The following SLCO3A1 variants were observed in gnomAD, a reference collection of about 807,000 sequenced individuals.
SLCO3A1 encodes the protein PGE1 transporter.
Under a neutral mutation model 63.1 loss-of-function variants are expected in SLCO3A1, and 27 were observed. That is an observed-to-expected ratio of 0.43 (90% confidence interval 0.32 to 0.59). The LOEUF is 0.59. SLCO3A1 is among the 20% of genes least tolerant of loss of function. SLCO3A1 has a pLI of 0.09. For synonymous variants in SLCO3A1, 473 were observed against 409.9 expected, an observed-to-expected ratio of 1.15 and a Z score of -1.86; for missense variants, 773 against 945.8, an observed-to-expected ratio of 0.82 and a Z score of 2.40.
chr15:91,995,210 G>C (rs1050146768), intron 2 of SLCO3A1, among the ~76,000 whole-genome samples: 1 of 152,182 alleles, frequency 6.6e-6, no homozygotes, highest in South Asian at 2.1e-4. Context: ...ATTTACGGGA[G>C]AGCAGCATAA....
chr15:92,154,513 G>C (rs1238703005), intron 9 of SLCO3A1, among the ~76,000 whole-genome samples: 3 of 152,180 alleles, frequency 2.0e-5, no homozygotes, highest in Admixed American at 6.5e-5. Flanking sequence ...TGCCATACTG[G>C]ACAATGAGGG....
chr15:91,965,675 G>C (rs929144721), intron 2 of SLCO3A1, among the ~76,000 whole-genome samples: 1 of 152,014 alleles, frequency 6.6e-6, no homozygotes, highest in Non-Finnish European at 1.5e-5. Context: ...CAAGTCCAAA[G>C]GAATCTTTTG....
At chr15:92,007,760 G>A (rs1206689895) in intron 2 of SLCO3A1, among the ~76,000 whole-genome samples, 1 of 152,130 alleles carries the variant, frequency 6.6e-6, no homozygotes, top group African/African-American at 2.4e-5. Context: ...GGGGCATCAT[G>A]CATTAAATTA....
chr15:92,006,248 G>A (rs1695052485), intron 2 of SLCO3A1, among the ~76,000 whole-genome samples: 3 of 152,146 alleles, frequency 2.0e-5, no homozygotes, highest in Admixed American at 2.0e-4. Context: ...AAAGAGCAGG[G>A]CCTGTTCGCC....
Position 91,917,759 on chromosome 15 carries a change from A to G in SLCO3A1, c.646+1301A>G, listed in dbSNP as rs114153621. On this transcript the variant is annotated intron_variant, in intron 2 of 9. Coordinates refer to ENST00000318445, the MANE Select transcript of SLCO3A1 (RefSeq NM_013272.4). ...AAACTAAGGTAATCATTTTTCTTTC[A>G]TTGCCTTAAGTCTTGAGTGAAAGCC... 3.7e-3 allele frequency among the ~76,000 whole-genome samples: 562 copies of G among 152,236 alleles called. 4 individuals carry two copies. The highest frequency in any genetic ancestry group is 0.012 in the African/African-American group (483 of 41,546).
intron 2 of SLCO3A1, among the ~76,000 whole-genome samples, chr15:92,093,655 GC>G (rs1218124964): frequency 6.6e-6 from 1 of 152,148 alleles, no homozygotes; most frequent in African/African-American, 2.4e-5. Flanking sequence ...AGTCAGCGAG[GC>G]TAGGATTTTT....
At chr15:92,114,577 TCA>T (rs1026024407) in intron 4 of SLCO3A1, among the ~76,000 whole-genome samples, 12 of 152,296 alleles carry the variant, frequency 7.9e-5, no homozygotes, top group African/African-American at 2.9e-4. Flanking sequence ...CACCTTGGAT[TCA>T]CACCCATGCT....
At chr15:92,072,735 C>T (rs533348747) in intron 2 of SLCO3A1, among the ~76,000 whole-genome samples, 4 of 152,252 alleles carry the variant, frequency 2.6e-5, no homozygotes, top group African/African-American at 9.6e-5. Flanking sequence ...TGTGGCTTTA[C>T]TGGCATCCTC....
At chr15:92,045,937 C>T (rs913003037) in intron 2 of SLCO3A1, among the ~76,000 whole-genome samples, 6 of 152,104 alleles carry the variant, frequency 3.9e-5, no homozygotes, top group African/African-American at 9.7e-5. Flanking sequence ...ATCGCTCTGT[C>T]CTCTCGTGAT....
chr15:91,995,889 G>C (rs1017343699), intron 2 of SLCO3A1, among the ~76,000 whole-genome samples: 1 of 152,096 alleles, frequency 6.6e-6, no homozygotes, highest in African/African-American at 2.4e-5. Flanking sequence ...TCCTTATTCT[G>C]ATAAAGAATG....
In SLCO3A1 at chr15:91,969,716, C is replaced by G. The variant is rs182651420; in HGVS notation, c.646+53258C>G. 1.9e-4 allele frequency among the ~76,000 whole-genome samples: 29 copies of G among 152,354 alleles called. No homozygotes were observed. In the East Asian group the frequency reaches 5.4e-3, roughly 28 times the overall value. ...TAGAATTCCTTTTCTGGTAGAAGTG[C>G]TCCCTTGTTGGGCCTGGCATCTTAT... is the stretch of plus-strand genomic sequence containing the variant. On this transcript the variant is annotated intron_variant, in intron 2 of 9. Transcript: ENST00000318445.
Position 91,972,284 on chromosome 15 carries a change from A to G in SLCO3A1, c.646+55826A>G, listed in dbSNP as rs142529213. On this transcript the variant is annotated intron_variant, in intron 2 of 9. Coordinates refer to ENST00000318445, the MANE Select transcript of SLCO3A1 (RefSeq NM_013272.4). ...GGAGATGAGGGTGCTGACATGAACC[A>G]AGGTGGTATGGTCTGAATGTTTGTG... 3.6e-3 allele frequency among the ~76,000 whole-genome samples: 545 copies of G among 152,240 alleles called. 1 individual carries two copies. The highest frequency in any genetic ancestry group is 0.013 in the African/African-American group (520 of 41,542).
intron 2 of SLCO3A1, among the ~76,000 whole-genome samples, chr15:92,086,537 A>G (rs1442295517): frequency 6.6e-6 from 1 of 152,184 alleles, no homozygotes; most frequent in African/African-American, 2.4e-5. Context: ...TTATAAAAAT[A>G]TATGTGTTGC....
At chr15:92,052,302 C>T (rs1438394533) in intron 2 of SLCO3A1, among the ~76,000 whole-genome samples, 1 of 152,116 alleles carries the variant, frequency 6.6e-6, no homozygotes, top group Non-Finnish European at 1.5e-5. Context: ...TCCCTTATCT[C>T]AGGAAAGAGG....
At position 92,163,802 on chromosome 15, in the gene SLCO3A1, A is replaced by G. The variant is rs2048470166; in HGVS notation, c.*667A>G. 3 of 985,444 alleles carry G rather than the reference A, an allele frequency of 3.0e-6. No individual in the cohort carries two copies. The highest frequency in any genetic ancestry group is 3.6e-6 in the Non-Finnish European group (3 of 829,994). 61.0% of individuals were successfully genotyped at this position (985,444 alleles called of 1,614,324 possible). On this transcript the variant is annotated 3_prime_UTR_variant, in exon 10 of 10. Transcript: ENST00000318445. The stretch of plus-strand genomic sequence containing the variant: ...TGGGTGATCCGTGCTGGAGTTTGTA[A>G]TTGGCACCTCTCACCAGCTCCATTT...
chr15:92,066,477 T>G lies in SLCO3A1; in HGVS notation c.647-28404T>G, dbSNP rs186913071. 2.9e-3 allele frequency among the ~76,000 whole-genome samples: 440 copies of G among 152,310 alleles called. 3 individuals carry two copies. The highest frequency in any genetic ancestry group is 0.01 in the African/African-American group (433 of 41,576). The stretch of plus-strand genomic sequence containing the variant: ...TCAGTTATTGTTAAAGAAAACAGCT[T>G]CTGAGAAATGCAAAACCTGAACACT... On this transcript the variant is annotated intron_variant, in intron 2 of 9. Transcript: ENST00000318445.
chr15:92,171,772 C>G (rs202246693), intron 10 of SLCO3A1: 2 of 1,546,946 alleles, frequency 1.3e-6, no homozygotes, highest in South Asian at 1.2e-5. Context: ...TCCCTCCTCC[C>G]CCTTTAGGCA....
In SLCO3A1 at chr15:91,884,426, G is replaced by C. The variant is rs968838572; in HGVS notation, c.180+30338G>C. Among the ~76,000 whole-genome samples the C allele has an allele frequency of 2.0e-5, 3 of 150,434 alleles. No homozygotes were observed. In the East Asian group the frequency reaches 5.9e-4, roughly 30 times the overall value. On this transcript the variant is annotated intron_variant, in intron 1 of 9. Coordinates refer to ENST00000318445, the MANE Select transcript of SLCO3A1 (RefSeq NM_013272.4). ...CTTGGGAGGCTGAAGCAGGAGAATCGCTTGAACCTGGGAGGTGGAAGGTTG... is the reference window on the plus strand; with the variant it reads ...CTTGGGAGGCTGAAGCAGGAGAATCCCTTGAACCTGGGAGGTGGAAGGTTG...
intron 8 of SLCO3A1, among the ~76,000 whole-genome samples, chr15:92,148,339 C>T (rs1286740036): frequency 6.6e-6 from 1 of 152,186 alleles, no homozygotes; most frequent in African/African-American, 2.4e-5. Context: ...TGCACCTCAC[C>T]TCTACTTTAT....
Sources: gnomAD v4.1 joint callset for allele counts (sites outside exome capture counted in the v4.1 genomes callset) on GRCh38, gnomAD v4.1.1 for gene constraint, MANE v1.5 for transcripts, NCBI Gene and HGNC (gene_info 2026-07-23, HGNC 2026-07-21) for gene names.